Variants in RLN2 observed in about 807,000 individuals in gnomAD.
The protein encoded by RLN2 is prorelaxin H2.
RLN2 carries 10 observed loss-of-function variants against 7.3 expected under a neutral mutation model. The observed-to-expected ratio is 1.36, with a 90% confidence interval of 0.84 to 2.31. RLN2 has a LOEUF of 2.31. Ranked by LOEUF, RLN2 falls within the 30% of genes most tolerant of loss-of-function variation. The pLI, the probability that RLN2 is intolerant of heterozygous loss-of-function variation, is 0.00. For synonymous variants in RLN2, 103 were observed against 82.3 expected (o/e 1.25, Z -1.36); for missense variants, 298 against 217.6 (o/e 1.37, Z -2.32).
chr9:5,301,709 C>T lies in RLN2; in HGVS notation c.212-1265G>A, dbSNP rs1345881418. On this transcript the variant is annotated intron_variant, in intron 1 of 1. Coordinates refer to ENST00000381627, the MANE Select transcript of RLN2 (RefSeq NM_134441.3). Reference sequence around the variant, plus strand: ...CTGATGCCTGCTGATCAGAGGAAACCACGACCCTTCACCTAGACAGCGGTG... The same window carrying T: ...CTGATGCCTGCTGATCAGAGGAAACTACGACCCTTCACCTAGACAGCGGTG... Among the ~76,000 whole-genome samples, 7 of 152,118 alleles carry T rather than the reference C, an allele frequency of 4.6e-5. No homozygotes were observed. In the East Asian group the frequency reaches 5.8e-4, roughly 13 times the overall value.
At chr9:5,311,813 TTTAG>T in the RLN2 span, 3 of 660,828 alleles carry the variant, frequency 4.5e-6, no homozygotes, top group East Asian at 2.8e-5. Context: ...AATTTTTTTT[TTTAG>T]TATTTTTTTT....
At chr9:5,321,720 A>G in the RLN2 span, among the ~76,000 whole-genome samples, 1 of 134,962 alleles carries the variant, frequency 7.4e-6, no homozygotes, top group African/African-American at 2.7e-5. Context: ...GCTTGGAGGC[A>G]TCTGCCTAAA....
upstream of RLN2, chr9:5,304,815 C>T (rs532012583): frequency 3.5e-5 from 20 of 563,410 alleles, no homozygotes; most frequent in African/African-American, 3.8e-4. Context: ...TCTTGGTCTC[C>T]CTCTCTGCCT....
the RLN2 span, among the ~76,000 whole-genome samples, chr9:5,331,436 G>A: frequency 6.6e-6 from 1 of 151,986 alleles, no homozygotes; most frequent in Non-Finnish European, 1.5e-5. Context: ...ATCAATGATA[G>A]ACTGGATTAA....
At chr9:5,300,660 C>T (rs1484164814) in intron 1 of RLN2, among the ~76,000 whole-genome samples, 1 of 152,172 alleles carries the variant, frequency 6.6e-6, no homozygotes, top group Non-Finnish European at 1.5e-5. Flanking sequence ...TGCTTTACCC[C>T]ATTGGTCCTC....
chr9:5,306,447 C>T (rs114683801), upstream of RLN2, among the ~76,000 whole-genome samples: 1 of 151,852 alleles, frequency 6.6e-6, no homozygotes, highest in African/African-American at 2.4e-5. Context: ...GTACAATGCC[C>T]GCTTTCCCAT....
chr9:5,329,027 G>C, the RLN2 span, among the ~76,000 whole-genome samples: 6 of 151,556 alleles, frequency 4.0e-5, no homozygotes, highest in East Asian at 7.8e-4. Context: ...GCATCGGCCG[G>C]GTGCGGTGGC....
the RLN2 span, among the ~76,000 whole-genome samples, chr9:5,314,813 C>G: frequency 6.6e-6 from 1 of 151,968 alleles, no homozygotes; most frequent in Non-Finnish European, 1.5e-5. Flanking sequence ...TTCTATGTCC[C>G]ACTATCCCCA....
the RLN2 span, among the ~76,000 whole-genome samples, chr9:5,333,776 C>A: frequency 2.0e-5 from 3 of 152,048 alleles, no homozygotes; most frequent in East Asian, 5.8e-4. Flanking sequence ...CCTCAATAAA[C>A]ACTGGCAAGC....
upstream of RLN2, among the ~76,000 whole-genome samples, chr9:5,309,675 C>A (rs188848310): frequency 7.2e-5 from 11 of 152,198 alleles, no homozygotes; most frequent in East Asian, 1.4e-3. Flanking sequence ...ATCCCAGTTC[C>A]TCTACAGTCT....
chr9:5,320,032 C>A, the RLN2 span, among the ~76,000 whole-genome samples: 1 of 150,526 alleles, frequency 6.6e-6, no homozygotes, highest in African/African-American at 2.5e-5. Context: ...GTCACCCAGA[C>A]CAGAGTGAGG....
At chr9:5,310,734 T>C in the RLN2 span, among the ~76,000 whole-genome samples, 1 of 152,076 alleles carries the variant, frequency 6.6e-6, no homozygotes, top group Admixed American at 6.5e-5. Flanking sequence ...GGAGTACAAG[T>C]GTTTTATAAT....
At chr9:5,336,893 T>C in the RLN2 span, among the ~76,000 whole-genome samples, 2 of 152,128 alleles carry the variant, frequency 1.3e-5, no homozygotes, top group East Asian at 3.9e-4. Context: ...GCGGTAGTTC[T>C]GGGGCTGATC....
At chr9:5,328,591 C>T in the RLN2 span, among the ~76,000 whole-genome samples, 1 of 151,840 alleles carries the variant, frequency 6.6e-6, no homozygotes, top group Non-Finnish European at 1.5e-5. Flanking sequence ...AGAAGAGCAA[C>T]CCCAAGACAC....
the RLN2 span, among the ~76,000 whole-genome samples, chr9:5,312,548 A>G: frequency 3.3e-5 from 5 of 152,226 alleles, no homozygotes; most frequent in Admixed American, 1.3e-4. Context: ...TTCAGAGCAT[A>G]AGATGAATAC....
At position 5,300,223 on chromosome 9, in the gene RLN2, G is replaced by T. The variant is rs151289366; in HGVS notation, c.433C>A (p.Pro145Thr). 6.2e-7 allele frequency: 1 copy of T among 1,613,704 alleles called. No homozygotes were observed. Among genetic ancestry groups the T allele is most frequent in the African/African-American group, 1.3e-5 (1 of 74,896 alleles). The change falls in exon 2 of 2, where the codon CCT becomes ACT. Residue 145 changes from proline to threonine, a missense_variant. Coordinates refer to ENST00000381627, the MANE Select transcript of RLN2 (RefSeq NM_134441.3). ...NRQSEAADSS[P>T]SELKYLGLDT... is the part of the protein sequence containing the mutation. ...AAGCCTAAGTATTTTAATTCTGAAGGACTGCTGTCTGCGGCTTCACTTTGT... is the reference window on the plus strand; with the variant it reads ...AAGCCTAAGTATTTTAATTCTGAAGTACTGCTGTCTGCGGCTTCACTTTGT...
the RLN2 span, among the ~76,000 whole-genome samples, chr9:5,329,171 C>T: frequency 1.3e-5 from 2 of 150,690 alleles, no homozygotes; most frequent in Admixed American, 6.6e-5. Context: ...GGCGCGGTGG[C>T]GGGCGCCTGT....
rs748424352 is a variant in RLN2 at position 5,300,360 on chromosome 9, T to A, written c.296A>T (p.Lys99Met). Residue 99 changes from lysine to methionine, a missense_variant, in exon 2 of 2, where the codon AAG becomes ATG. By Grantham distance (95) the Lys-to-Met change is moderately conservative. Coordinates refer to ENST00000381627, the MANE Select transcript of RLN2 (RefSeq NM_134441.3). ...TGGCTGCATCTCAGACAGGGTTAACTTCAGCTCCTGTGGCAAATTAGCAAC... is the reference window on the plus strand; with the variant it reads ...TGGCTGCATCTCAGACAGGGTTAACATCAGCTCCTGTGGCAAATTAGCAAC... ...EFVANLPQEL[K>M]LTLSEMQPAL... The A allele has an allele frequency of 7.4e-6, 12 of 1,614,026 alleles. No homozygotes were observed. The highest frequency in any genetic ancestry group is 1.0e-5 in the Non-Finnish European group (12 of 1,179,918).
chr9:5,304,275 G>C, intron 1 of RLN2, 95 bp downstream of exon 1: 1 of 788,476 alleles, frequency 1.3e-6, no homozygotes, highest in Non-Finnish European at 2.0e-6. Flanking sequence ...ATGAGATCTC[G>C]AGTCGGACGT....
Sources: allele counts gnomAD v4.1 joint callset (sites outside exome capture counted in the v4.1 genomes callset), GRCh38; gene constraint gnomAD v4.1.1; transcripts MANE v1.5; gene names NCBI Gene and HGNC (gene_info 2026-07-23, HGNC 2026-07-21).